Variants in WDR76 observed in about 807,000 individuals in gnomAD.
WDR76 encodes WD repeat domain 76.
In WDR76, 52 loss-of-function variants were observed where a neutral mutation model predicts 70.2. The ratio of observed to expected loss-of-function variants is 0.74; its 90% CI spans 0.59 to 0.93. The LOEUF (loss-of-function observed/expected upper bound fraction) is 0.93, where lower values mean the gene tolerates loss of function less well. WDR76 is among the 40% of genes least tolerant of loss of function. The pLI is 0.00. For synonymous variants in WDR76, 292 were observed against 271.1 expected, an observed-to-expected ratio of 1.08 and a Z score of -0.76; for missense variants, 756 against 760.2, an observed-to-expected ratio of 0.99 and a Z score of 0.07.
chr15:43,842,576 G>A (rs2087739072), intron 6 of WDR76, 52 bp from the exon 7 acceptor site: 3 of 1,579,980 alleles, frequency 1.9e-6, no homozygotes, highest in Non-Finnish European at 2.6e-6. Context: ...ATATATATAT[G>A]TAAAAATATA....
chr15:43,858,821 G>C lies in WDR76; in HGVS notation c.1560G>C (p.Leu520=), dbSNP rs1310427740. The change falls in exon 11 of 13, where the codon CTG becomes CTC. Residue 520 remains leucine (L), a splice_region_variant and synonymous_variant. Coordinates refer to ENST00000263795, the MANE Select transcript of WDR76 (RefSeq NM_024908.4). ...RVVTTCADCN[L]RIFDSSCISS... ...TGACCACATGTGCTGATTGTAATCTGAGGTAAATTGGGAAGGCAGAAATGT... is the reference window on the plus strand; with the variant it reads ...TGACCACATGTGCTGATTGTAATCTCAGGTAAATTGGGAAGGCAGAAATGT... The C allele has an allele frequency of 8.1e-6, 13 of 1,611,980 alleles. No individual in the cohort carries two copies. The highest frequency in any genetic ancestry group is 1.0e-5 in the Non-Finnish European group (12 of 1,179,508).
chr15:43,857,617 C>G (rs910457218), intron 10 of WDR76: 1 of 723,442 alleles, frequency 1.4e-6, no homozygotes, highest in Non-Finnish European at 1.7e-6. Context: ...GTCAGGAGTT[C>G]GAGACCAGCC....
Position 43,833,518 on chromosome 15 carries a change from A to G in WDR76, c.463-1543A>G, listed in dbSNP as rs147221030. ...TATTTTTTAGTAGAGATGGGCTTTC[A>G]CTGTGTTAGCTAGGATGGTCTCGAT... On this transcript the variant is annotated intron_variant, in intron 2 of 12. Transcript: ENST00000263795. Among the ~76,000 whole-genome samples, 1,179 of 149,346 alleles carry G rather than the reference A, an allele frequency of 7.9e-3. 19 individuals are homozygous for G. Among genetic ancestry groups the G allele is most frequent in the African/African-American group, 0.028 (1,119 of 40,646 alleles).
intron 12 of WDR76, among the ~76,000 whole-genome samples, chr15:43,865,900 G>T (rs1441103432): frequency 1.3e-5 from 2 of 152,148 alleles, no homozygotes; most frequent in African/African-American, 4.8e-5. Flanking sequence ...ACTATAAAGG[G>T]CTCCATATGT....
In WDR76 at chr15:43,861,319, TC is replaced by T. The variant is rs749664456; in HGVS notation, c.1563-13del. 1 of 1,599,568 alleles carries T rather than the reference TC, an allele frequency of 6.3e-7. No homozygotes were observed. The highest frequency in any genetic ancestry group is 8.6e-7 in the Non-Finnish European group (1 of 1,169,180). ...TAAGTAACAAAAGAATGTCTTACTC[TC>T]TTTATTTTGCAGAATTTTTGACAGC... On this transcript the variant is annotated splice_polypyrimidine_tract_variant and intron_variant, in intron 11 of 12. Coordinates refer to ENST00000263795, the MANE Select transcript of WDR76 (RefSeq NM_024908.4).
At position 43,843,921 on chromosome 15, in the gene WDR76, G is replaced by A. The variant is rs1369147810; in HGVS notation, c.899G>A (p.Gly300Asp). ...SIKSYKANLN[G>D]MVISEDTVYK... ...CTTAGCTACAAAGCCAATTTAAATG[G>A]CATGGTCATTAGTGAAGATACCGTT... Residue 300 changes from glycine to aspartate, a missense_variant, in exon 8 of 13, where the codon GGC becomes GAC. Gly to Asp is a moderately conservative substitution (Grantham distance 94, BLOSUM62 -1). Coordinates refer to ENST00000263795, the MANE Select transcript of WDR76 (RefSeq NM_024908.4). 3 of 1,580,604 alleles carry A rather than the reference G, an allele frequency of 1.9e-6. No homozygotes were observed. The Admixed American group carries it at 5.3e-5, about 28-fold the overall frequency.
chr15:43,838,261 C>T (rs1567184066), intron 4 of WDR76, among the ~76,000 whole-genome samples: 1 of 152,192 alleles, frequency 6.6e-6, no homozygotes, highest in Non-Finnish European at 1.5e-5. Context: ...TCTTGGCTCA[C>T]TGCAGCCTCT....
intron 9 of WDR76, among the ~76,000 whole-genome samples, chr15:43,852,475 G>C (rs962159079): frequency 5.3e-5 from 8 of 151,968 alleles, no homozygotes; most frequent in African/African-American, 1.9e-4. Context: ...AGGTTCAAGT[G>C]ATTCTCCTGT....
At chr15:43,829,655 C>T (rs929477024) in intron 2 of WDR76, among the ~76,000 whole-genome samples, 28 of 151,778 alleles carry the variant, frequency 1.8e-4, no homozygotes, top group Admixed American at 9.8e-4. Context: ...TACAGGCGCC[C>T]GCCACCATGC....
intron 4 of WDR76, 100 bp downstream of exon 4, chr15:43,836,316 A>G: frequency 9.5e-7 from 1 of 1,047,840 alleles, no homozygotes. Context: ...ACAGATCATA[A>G]AGTGCTATTT....
rs58460599 is a variant in WDR76 at position 43,853,903 on chromosome 15, CA to C, written c.1191+2670del. Among the ~76,000 whole-genome samples the C allele has an allele frequency of 3.5e-4, 38 of 107,984 alleles. 1 individual carries two copies. Among genetic ancestry groups the C allele is most frequent in the East Asian group, 5.1e-4 (2 of 3,920 alleles). The allele number at this position is 107,984 out of a possible 152,430, so 70.8% of individuals were successfully genotyped here. A position where few individuals can be genotyped will look rare whatever the true frequency, so the allele number is the denominator to read the frequency against. On this transcript the variant is annotated intron_variant, in intron 9 of 12. Coordinates refer to ENST00000263795, the MANE Select transcript of WDR76 (RefSeq NM_024908.4). The stretch of plus-strand genomic sequence containing the variant: ...CCTGGGCGACAGAGCGAGACTGTCT[CA>C]AAAAAAAAAAACAAAAAAAAACAAA...
intron 12 of WDR76, among the ~76,000 whole-genome samples, chr15:43,862,016 TTAG>T (rs1355733085): frequency 6.6e-6 from 1 of 151,764 alleles, no homozygotes; most frequent in Non-Finnish European, 1.5e-5. Context: ...TTTTGTATCT[TTAG>T]TAGCGACGGG....
intron 9 of WDR76, among the ~76,000 whole-genome samples, chr15:43,852,377 T>C (rs570018777): frequency 2.2e-4 from 33 of 151,602 alleles, no homozygotes; most frequent in African/African-American, 4.4e-4. Context: ...TTGTCGTCGT[T>C]GTTGTTGTTG....
At chr15:43,856,836 ATG>A in intron 9 of WDR76, 108 bp from the exon 10 acceptor site, 1 of 890,516 alleles carries the variant, frequency 1.1e-6, no homozygotes, top group Non-Finnish European at 1.7e-6. Context: ...GAGAGGATAA[ATG>A]AGGTTATTTG....
chr15:43,842,344 AC>A, intron 5 of WDR76, 70 bp from the exon 6 acceptor site: 1 of 1,354,042 alleles, frequency 7.4e-7, no homozygotes, highest in South Asian at 1.3e-5. Context: ...ACAGACAAAT[AC>A]CCTTGCCCTC....
intron 10 of WDR76, chr15:43,857,683 G>C (rs556766508): frequency 4.9e-6 from 1 of 202,312 alleles, no homozygotes; most frequent in South Asian, 1.7e-4. Flanking sequence ...AACCAGGTGT[G>C]GTGGCATGCA....
intron 5 of WDR76, 36 bp downstream of exon 5, chr15:43,839,764 T>C (rs921862983): frequency 6.5e-7 from 1 of 1,545,768 alleles, no homozygotes; most frequent in African/African-American, 1.4e-5. Flanking sequence ...TTTAATGTAA[T>C]AAAATACTGA....
At chr15:43,828,462 A>G in intron 2 of WDR76, 96 bp downstream of exon 2, 1 of 1,129,964 alleles carries the variant, frequency 8.8e-7, no homozygotes, top group East Asian at 2.5e-5. Flanking sequence ...TGGTACAAAC[A>G]AGTTATTTCA....
At chr15:43,849,953 T>G (rs1367860333) in intron 8 of WDR76, among the ~76,000 whole-genome samples, 1 of 152,204 alleles carries the variant, frequency 6.6e-6, no homozygotes, top group Admixed American at 6.5e-5. Context: ...TGTCAGTAGT[T>G]TCTAACTCTG....
Sources: allele counts gnomAD v4.1 joint callset (sites outside exome capture counted in the v4.1 genomes callset), GRCh38; gene constraint gnomAD v4.1.1; transcripts MANE v1.5; gene names NCBI Gene and HGNC (gene_info 2026-07-23, HGNC 2026-07-21).